The following CDK5RAP2 variants were observed in gnomAD, a reference collection of about 807,000 sequenced individuals.
The protein encoded by CDK5RAP2 is CDK5 regulatory subunit-associated protein 2.
A neutral mutation model predicts 232.9 loss-of-function variants in CDK5RAP2; 147 were observed. That is an observed-to-expected ratio of 0.63 (90% CI 0.55 to 0.72). The LOEUF is 0.72. Ranked by LOEUF, CDK5RAP2 falls within the 30% of genes least tolerant of loss-of-function variation. CDK5RAP2 has a pLI of 0.00. For missense variants in CDK5RAP2, 2,195 were observed against 2,231.5 expected (o/e 0.98, Z 0.33); for synonymous variants, 833 against 833.7 (o/e 1.00, Z 0.01).
chr9:120,442,673 A>G (rs1340032465), intron 23 of CDK5RAP2, among the ~76,000 whole-genome samples: 1 of 152,258 alleles, frequency 6.6e-6, no homozygotes, highest in Non-Finnish European at 1.5e-5. Flanking sequence ...TATTTGCATT[A>G]TAAGAAATAC....
At chr9:120,488,865 G>T (rs1221409646) in intron 13 of CDK5RAP2, among the ~76,000 whole-genome samples, 1 of 152,220 alleles carries the variant, frequency 6.6e-6, no homozygotes, top group East Asian at 1.9e-4. Context: ...TCAAATCTGG[G>T]CTTTCTACCT....
In CDK5RAP2 at chr9:120,402,796, G is replaced by T; in HGVS notation, c.5307+10C>A. 6.2e-7 allele frequency: 1 copy of T among 1,613,740 alleles called. No individual in the cohort carries two copies. ...GCAGCTTGTGCCCCCCAGCTCTGTG[G>T]TCAGGTTACCTTTGTTCCCAGCTCT... is the stretch of plus-strand genomic sequence containing the variant. On this transcript the variant is annotated intron_variant, in intron 34 of 37. Transcript: ENST00000349780.
chr9:120,536,271 A>T (rs1305272113), intron 7 of CDK5RAP2, 101 bp downstream of exon 7: 8 of 1,315,616 alleles, frequency 6.1e-6, no homozygotes, highest in Non-Finnish European at 8.7e-6. Context: ...TATGGGAAAC[A>T]TGGGGAGAAG....
At chr9:120,464,246 CCTCCAGGGAGAACTT>C (rs1401645210) in intron 18 of CDK5RAP2, among the ~76,000 whole-genome samples, 1 of 152,218 alleles carries the variant, frequency 6.6e-6, no homozygotes, top group Admixed American at 6.5e-5. Flanking sequence ...TCCTCTTCCT[CCTCCAGGGAGAACTT>C]CCCTTAATCC....
rs148052486 is a variant in CDK5RAP2 at position 120,574,664 on chromosome 9, G to A, written c.60-2623C>T. On this transcript the variant is annotated intron_variant, in intron 1 of 37. Coordinates refer to ENST00000349780, the MANE Select transcript of CDK5RAP2 (RefSeq NM_018249.6). ...ACCTGCCCTTGTATGGGGCACCCAT[G>A]CTGCACAAGCACCACACTCAGCACA... is the stretch of plus-strand genomic sequence containing the variant. Among the ~76,000 whole-genome samples, 537 of 152,318 alleles carry A rather than the reference G, an allele frequency of 3.5e-3. 3 individuals are homozygous for A. Among genetic ancestry groups the A allele is most frequent in the African/African-American group, 0.012 (498 of 41,572 alleles).
Position 120,453,999 on chromosome 9 carries a change from T to C in CDK5RAP2, c.2376-126A>G, listed in dbSNP as rs573329699. 67 of 950,306 alleles carry C rather than the reference T, an allele frequency of 7.1e-5. No individual in the cohort carries two copies. The South Asian group carries it at 8.1e-4, about 11-fold the overall frequency. The allele number at this position is 950,306 out of a possible 1,614,324, so 58.9% of individuals were successfully genotyped here. On this transcript the variant is annotated intron_variant, in intron 20 of 37. Transcript: ENST00000349780. Reference sequence around the variant, plus strand: ...TTCCATCAAAACTAAATACAGTGTGTACCCACAACGTGCCAGGGCCCACAT... The same window carrying C: ...TTCCATCAAAACTAAATACAGTGTGCACCCACAACGTGCCAGGGCCCACAT...
intron 12 of CDK5RAP2, among the ~76,000 whole-genome samples, chr9:120,506,274 C>T (rs2039808095): frequency 6.6e-6 from 1 of 152,200 alleles, no homozygotes; most frequent in Non-Finnish European, 1.5e-5. Context: ...GCATGGTTTA[C>T]TGAATATTTC....
intron 3 of CDK5RAP2, among the ~76,000 whole-genome samples, chr9:120,563,503 A>G (rs1325825186): frequency 2.6e-5 from 4 of 152,250 alleles, no homozygotes; most frequent in African/African-American, 9.6e-5. Flanking sequence ...GACAGACATC[A>G]GCATTCATTG....
At chr9:120,579,880 C>G (rs762911512) in intron 1 of CDK5RAP2, 40 bp downstream of exon 1, 3 of 1,565,556 alleles carry the variant, frequency 1.9e-6, no homozygotes, top group Non-Finnish European at 2.6e-6. Context: ...CAGCTGGAAC[C>G]CCGGCCCGGT....
chr9:120,548,456 T>C (rs985560627), intron 4 of CDK5RAP2, among the ~76,000 whole-genome samples: 1 of 152,230 alleles, frequency 6.6e-6, no homozygotes, highest in African/African-American at 2.4e-5. Context: ...ATAATTGTAA[T>C]TTCCAAACCA....
chr9:120,394,451 A>C, intron 36 of CDK5RAP2, 61 bp downstream of exon 36: 1 of 1,612,364 alleles, frequency 6.2e-7, no homozygotes, highest in Non-Finnish European at 8.5e-7. Context: ...CCAGGGCAGA[A>C]CTGGGAGCCC....
At chr9:120,577,597 A>G (rs963405722) in intron 1 of CDK5RAP2, among the ~76,000 whole-genome samples, 1 of 152,240 alleles carries the variant, frequency 6.6e-6, no homozygotes, top group East Asian at 1.9e-4. Context: ...TACGTCCTGC[A>G]AAGGCAGGGA....
intron 15 of CDK5RAP2, among the ~76,000 whole-genome samples, chr9:120,472,619 G>A (rs1389899154): frequency 1.3e-5 from 2 of 152,220 alleles, no homozygotes; most frequent in South Asian, 2.1e-4. Context: ...ACTCCACTGT[G>A]GTGGGTGAAC....
At chr9:120,508,691 AG>A (rs2039944122) in intron 12 of CDK5RAP2, among the ~76,000 whole-genome samples, 1 of 152,086 alleles carries the variant, frequency 6.6e-6, no homozygotes, top group South Asian at 2.1e-4. Context: ...CCATTCCCCC[AG>A]GCAAACAGCT....
chr9:120,497,508 CAT>C (rs908725284), intron 12 of CDK5RAP2, among the ~76,000 whole-genome samples: 3 of 139,208 alleles, frequency 2.2e-5, no homozygotes, highest in Non-Finnish European at 4.6e-5. Flanking sequence ...GCAGGATATT[CAT>C]ATAGTCTCAA....
At chr9:120,488,937 T>C (rs1222202881) in intron 13 of CDK5RAP2, among the ~76,000 whole-genome samples, 1 of 152,228 alleles carries the variant, frequency 6.6e-6, no homozygotes, top group African/African-American at 2.4e-5. Context: ...TTCCCTACTT[T>C]GTGGAACCCA....
intron 9 of CDK5RAP2, among the ~76,000 whole-genome samples, 185 bp from the exon 10 acceptor site, chr9:120,528,110 G>A (rs1225439974): frequency 3.9e-5 from 6 of 152,148 alleles, no homozygotes; most frequent in Non-Finnish European, 7.3e-5. Context: ...TACCGCTCCC[G>A]GCAACAGGGC....
chr9:120,532,900 C>T (rs2041217630), intron 7 of CDK5RAP2, among the ~76,000 whole-genome samples: 1 of 152,116 alleles, frequency 6.6e-6, no homozygotes, highest in African/African-American at 2.4e-5. Flanking sequence ...ACACGTTAAC[C>T]CTTCCCAAAG....
chr9:120,401,594 T>C (rs1396550521), intron 34 of CDK5RAP2, among the ~76,000 whole-genome samples: 2 of 105,200 alleles, frequency 1.9e-5, no homozygotes, highest in Non-Finnish European at 3.5e-5. Context: ...CTGGACAACA[T>C]GGCCAGACCC....
Sources: gnomAD v4.1 joint callset for allele counts (sites outside exome capture counted in the v4.1 genomes callset) on GRCh38, gnomAD v4.1.1 for gene constraint, MANE v1.5 for transcripts, NCBI Gene and HGNC (gene_info 2026-07-23, HGNC 2026-07-21) for gene names.